The following HMGXB4 variants were observed in gnomAD, a reference collection of about 807,000 sequenced individuals.
HMGXB4 encodes the protein HMG domain-containing protein 4.
Under a neutral mutation model 63.9 loss-of-function variants are expected in HMGXB4, and 27 were observed. The ratio of observed to expected loss-of-function variants is 0.42; its 90% CI spans 0.31 to 0.58. The LOEUF (loss-of-function observed/expected upper bound fraction) is 0.58. Among genes scored for constraint, HMGXB4 ranks in the 20% least tolerant of loss-of-function variants. The probability of loss-of-function intolerance (pLI) is 0.13; values close to 1 mark genes in which losing one functional copy is unlikely to be tolerated. For missense variants in HMGXB4, 624 were observed against 700.7 expected, an observed-to-expected ratio of 0.89 and a Z score of 1.24; for synonymous variants, 264 against 265.3, an observed-to-expected ratio of 0.99 and a Z score of 0.05.
chr22:35,243,941 C>T, the HMGXB4 span, among the ~76,000 whole-genome samples: 1 of 152,276 alleles, frequency 6.6e-6, no homozygotes. Context: ...CAGGTTGTTT[C>T]TCTTGTATAA....
upstream of HMGXB4, among the ~76,000 whole-genome samples, chr22:35,252,962 T>C (rs1922248916): frequency 1.3e-5 from 2 of 151,770 alleles, no homozygotes; most frequent in African/African-American, 4.8e-5. Flanking sequence ...TGAAACCCCA[T>C]CTCTACTAAA....
Position 35,288,366 on chromosome 22 carries a change from G to A in HMGXB4, c.1597G>A (p.Glu533Lys). The change falls in exon 9 of 11, where the codon GAG becomes AAG. Residue 533 changes from glutamate (E) to lysine (K), a missense_variant. Around this residue, in one of 2 missense-constraint regions of HMGXB4, gnomAD observed 152 missense variants for 230.1 expected, o/e 0.66. Coordinates refer to ENST00000216106, the MANE Select transcript of HMGXB4 (RefSeq NM_001003681.3). ...DVAAHLQLLG[E>K]SLSLIGHRLQ... ...TGCTGCTCATCTTCAGCTGTTGGGA[G>A]AGTCCCTAAGCCTCATTGGACACCG... is the stretch of plus-strand genomic sequence containing the variant. 1 of 1,612,896 alleles carries A rather than the reference G, an allele frequency of 6.2e-7. No individual in the cohort carries two copies. The highest frequency in any genetic ancestry group is 8.5e-7 in the Non-Finnish European group (1 of 1,179,286).
chr22:35,245,230 GC>G, the HMGXB4 span, among the ~76,000 whole-genome samples: 1 of 151,626 alleles, frequency 6.6e-6, no homozygotes, highest in African/African-American at 2.4e-5. Context: ...CGCCTCCTCT[GC>G]TCCACCTCCA....
the HMGXB4 span, among the ~76,000 whole-genome samples, chr22:35,251,820 G>A: frequency 6.6e-6 from 1 of 152,110 alleles, no homozygotes; most frequent in Non-Finnish European, 1.5e-5. Context: ...CAAGGTAATA[G>A]ACACATCTGC....
Position 35,275,510 on chromosome 22 carries a change from T to C in HMGXB4, c.1216-8452T>C, listed in dbSNP as rs143828278. Among the ~76,000 whole-genome samples, 307 of 152,314 alleles carry C rather than the reference T, an allele frequency of 2.0e-3. 2 individuals carry two copies. The highest frequency in any genetic ancestry group is 6.9e-3 in the African/African-American group (288 of 41,558). ...AAAACAGGGTCTTAAACTAGAGTTA[T>C]GAGATTTTCATCAGGTTCTTACAGT... On this transcript the variant is annotated intron_variant, in intron 5 of 10. Transcript: ENST00000216106.
intron 4 of HMGXB4, 32 bp downstream of exon 4, chr22:35,263,906 AAC>A (rs1568995615): frequency 1.9e-6 from 3 of 1,604,192 alleles, no homozygotes; most frequent in African/African-American, 1.3e-5. Flanking sequence ...AGGTGGGATA[AAC>A]ACATCGCTGG....
At chr22:35,292,223 C>T (rs933827486) in intron 9 of HMGXB4, among the ~76,000 whole-genome samples, 1 of 152,172 alleles carries the variant, frequency 6.6e-6, no homozygotes, top group African/African-American at 2.4e-5. Flanking sequence ...TCTATTATCT[C>T]AATCCCATCT....
At chr22:35,274,787 A>C (rs1348635628) in intron 5 of HMGXB4, among the ~76,000 whole-genome samples, 1 of 152,228 alleles carries the variant, frequency 6.6e-6, no homozygotes, top group Non-Finnish European at 1.5e-5. Flanking sequence ...CAAGGTAGTT[A>C]AAATAAAAAC....
In HMGXB4 at chr22:35,294,254, A is replaced by C. The variant is rs1017512516; in HGVS notation, c.*603A>C. 5 of 152,322 alleles carry C rather than the reference A, an allele frequency of 3.3e-5. No individual in the cohort carries two copies. Among genetic ancestry groups the C allele is most frequent in the Non-Finnish European group, 7.3e-5 (5 of 68,042 alleles). The allele number at this position is 152,322 out of a possible 1,614,324, so 9.4% of individuals were successfully genotyped here. On this transcript the variant is annotated 3_prime_UTR_variant, in exon 11 of 11. Coordinates refer to ENST00000216106, the MANE Select transcript of HMGXB4 (RefSeq NM_001003681.3). ...CCTACTGTATAGGTGTCTGTGTCTC[A>C]AAATTTATTGTAATCATTGGTACCA...
intron 7 of HMGXB4, 76 bp downstream of exon 7, chr22:35,286,137 C>A: frequency 9.8e-7 from 1 of 1,024,128 alleles, no homozygotes; most frequent in Non-Finnish European, 1.5e-6. Flanking sequence ...CATAGACTAG[C>A]CAGCCAGACA....
At chr22:35,268,050 G>C (rs952739165) in intron 5 of HMGXB4, among the ~76,000 whole-genome samples, 2 of 152,206 alleles carry the variant, frequency 1.3e-5, no homozygotes, top group African/African-American at 4.8e-5. Flanking sequence ...CGCCACTGCA[G>C]TCCAGCCTGC....
the HMGXB4 span, among the ~76,000 whole-genome samples, chr22:35,247,633 G>A: frequency 2.0e-5 from 3 of 151,392 alleles, no homozygotes; most frequent in Admixed American, 6.6e-5. Flanking sequence ...AACTCTCCAG[G>A]CATTAAGCCA....
intron 5 of HMGXB4, among the ~76,000 whole-genome samples, chr22:35,270,565 A>C (rs1483643441): frequency 6.6e-6 from 1 of 152,232 alleles, no homozygotes; most frequent in Non-Finnish European, 1.5e-5. Context: ...GGTGCCAAAA[A>C]GGTTGAGGAC....
intron 2 of HMGXB4, 120 bp downstream of exon 2, chr22:35,262,541 G>A: frequency 1.9e-6 from 2 of 1,032,048 alleles, no homozygotes; most frequent in East Asian, 2.4e-5. Flanking sequence ...ATGGTCCAGA[G>A]CACTGTTATG....
chr22:35,248,888 C>A, the HMGXB4 span, among the ~76,000 whole-genome samples: 1 of 152,136 alleles, frequency 6.6e-6, no homozygotes, highest in Non-Finnish European at 1.5e-5. Flanking sequence ...TGACAAACAT[C>A]CAAACCGTAT....
upstream of HMGXB4, among the ~76,000 whole-genome samples, chr22:35,252,759 T>G (rs527251194): frequency 3.3e-5 from 5 of 152,050 alleles, 1 homozygote; most frequent in Admixed American, 2.6e-4. Flanking sequence ...ATCCCAGCAC[T>G]TTGGGAGGCC....
rs535821292 is a variant in HMGXB4, at chr22:35,268,781, C to A, written c.1215+3178C>A. The stretch of plus-strand genomic sequence containing the variant: ...CTTTTCAGCTTTACCTCTTATTAGT[C>A]TATTAAACATACACTGTATGGAAAT... On this transcript the variant is annotated intron_variant, in intron 5 of 10. Coordinates refer to ENST00000216106, the MANE Select transcript of HMGXB4 (RefSeq NM_001003681.3). Among the ~76,000 whole-genome samples, 5 of 152,326 alleles carry A rather than the reference C, an allele frequency of 3.3e-5. No homozygotes were observed. In the East Asian group the frequency reaches 9.6e-4, roughly 29 times the overall value.
chr22:35,282,342 A>G (rs1190435539), intron 5 of HMGXB4, among the ~76,000 whole-genome samples: 1 of 152,006 alleles, frequency 6.6e-6, no homozygotes, highest in Non-Finnish European at 1.5e-5. Context: ...ATGCCCGGCT[A>G]ATTTTTTATA....
chr22:35,263,360 T>G, intron 3 of HMGXB4, 134 bp downstream of exon 3: 1 of 704,296 alleles, frequency 1.4e-6, no homozygotes, highest in Non-Finnish European at 2.3e-6. Context: ...CTCTGCTCAC[T>G]GCAACCTTCG....
Sources: allele counts gnomAD v4.1 joint callset (sites outside exome capture counted in the v4.1 genomes callset), GRCh38; gene constraint gnomAD v4.1.1; regional missense constraint gnomAD v4.1.1; transcripts MANE v1.5; gene names NCBI Gene and HGNC (gene_info 2026-07-23, HGNC 2026-07-21).